RSBN1: variants seen among roughly 807,000 people sequenced by gnomAD.
RSBN1 encodes the protein round spermatid basic protein 1.
Under a neutral mutation model 74.8 loss-of-function variants are expected in RSBN1, and 23 were observed. The observed-to-expected ratio is 0.31, with a 90% CI of 0.22 to 0.44. RSBN1 has a LOEUF of 0.44. Among genes scored for constraint, RSBN1 ranks in the 20% least tolerant of loss-of-function variants. The pLI is 1.00. For missense variants in RSBN1, 808 were observed against 1,020.9 expected (o/e 0.79, Z 2.84); for synonymous variants, 407 against 379.6 (o/e 1.07, Z -0.84).
chr1:113,808,248 C>G (rs940021046), intron 1 of RSBN1, among the ~76,000 whole-genome samples: 2 of 152,092 alleles, frequency 1.3e-5, no homozygotes, highest in African/African-American at 2.4e-5. Flanking sequence ...TTGCTTATAA[C>G]CTATGCACAT....
At chr1:113,776,961 A>AGGG (rs1660045040) in intron 4 of RSBN1, among the ~76,000 whole-genome samples, 1 of 152,176 alleles carries the variant, frequency 6.6e-6, no homozygotes, top group African/African-American at 2.4e-5. Flanking sequence ...AACCACACTA[A>AGGG]GGGGTTTGAT....
intron 2 of RSBN1, 49 bp downstream of exon 2, chr1:113,797,314 T>A (rs901195590): frequency 7.0e-7 from 1 of 1,436,606 alleles, no homozygotes; most frequent in African/African-American, 1.7e-5. Context: ...AGAGGTTAAT[T>A]CTGTTTAGAA....
intron 1 of RSBN1, among the ~76,000 whole-genome samples, chr1:113,800,294 C>A (rs761334703): frequency 1.5e-4 from 23 of 151,976 alleles, no homozygotes; most frequent in Non-Finnish European, 2.5e-4. Flanking sequence ...ATACTGTTAA[C>A]CTGGCAAGAG....
chr1:113,766,081 G>C lies in RSBN1; in HGVS notation c.2308C>G (p.Gln770Glu), dbSNP rs748883651. ...FPPASELNLQ[Q>E]DQKTQPIPVL... ...GGAATAGGCTGAGTCTTCTGATCTT[G>C]CTGTAGATTAAGTTCTGATGCAGGT... Residue 770 changes from glutamine (Q) to glutamate (E), a missense_variant, in exon 7 of 7, where the codon CAA becomes GAA. Gln to Glu is a conservative substitution (Grantham distance 29). Transcript: ENST00000261441. 3 of 1,614,058 alleles carry C rather than the reference G, an allele frequency of 1.9e-6. No homozygotes were observed. The highest frequency in any genetic ancestry group is 2.2e-5 in the East Asian group (1 of 44,886).
chr1:113,779,884 G>A (rs774651026), intron 2 of RSBN1, among the ~76,000 whole-genome samples: 5 of 152,050 alleles, frequency 3.3e-5, no homozygotes, highest in African/African-American at 9.7e-5. Context: ...AGCCAGGCAC[G>A]GTGGTGCATG....
At chr1:113,774,776 G>A (rs1659986530) in intron 4 of RSBN1, among the ~76,000 whole-genome samples, 1 of 151,922 alleles carries the variant, frequency 6.6e-6, no homozygotes, top group South Asian at 2.1e-4. Flanking sequence ...AGGATCACTT[G>A]AGCCTGGGAG....
chr1:113,779,137 T>C (rs544596555), intron 2 of RSBN1, among the ~76,000 whole-genome samples: 189 of 152,288 alleles, frequency 1.2e-3, no homozygotes, highest in African/African-American at 4.1e-3. Context: ...AAGCCTAACA[T>C]ATAGCTGTAC....
intron 1 of RSBN1, among the ~76,000 whole-genome samples, chr1:113,804,530 G>C (rs1324628197): frequency 6.6e-6 from 1 of 152,000 alleles, no homozygotes; most frequent in Non-Finnish European, 1.5e-5. Context: ...ACATCTCCCT[G>C]CAACACTCCC....
At position 113,797,946 on chromosome 1, in the gene RSBN1, T is replaced by G; in HGVS notation, c.794A>C (p.Asp265Ala). Residue 265 changes from aspartate to alanine, a missense_variant, in exon 2 of 7, where the codon GAC becomes GCC. Around this residue, in one of 6 missense-constraint regions of RSBN1, gnomAD observed 464 missense variants for 401.0 expected, o/e 1.16. Transcript: ENST00000261441. ...CATTTTAAGGCGTCTTCCTCGCATG[T>G]CTTCTCGGTGTTTCTTTTTCTTTTT... ...KKKKKKKHRE[D>A]MRGRRLKMYN... 6.2e-7 allele frequency: 1 copy of G among 1,613,972 alleles called. No homozygotes were observed. The highest frequency in any genetic ancestry group is 1.1e-5 in the South Asian group (1 of 91,058).
chr1:113,791,181 A>C (rs1660356936), intron 2 of RSBN1, among the ~76,000 whole-genome samples: 1 of 152,162 alleles, frequency 6.6e-6, no homozygotes, highest in Admixed American at 6.5e-5. Flanking sequence ...TAAAATCAGA[A>C]GGCAAAGTGG....
chr1:113,767,565 G>C (rs764500979), intron 5 of RSBN1, among the ~76,000 whole-genome samples: 4 of 152,152 alleles, frequency 2.6e-5, no homozygotes, highest in Admixed American at 1.3e-4. Flanking sequence ...CAGTCTGGTA[G>C]TTTCTCAAAA....
chr1:113,767,890 G>A (rs1432815890), intron 5 of RSBN1: 1 of 186,308 alleles, frequency 5.4e-6, no homozygotes, highest in East Asian at 1.3e-4. Flanking sequence ...AACACTATAT[G>A]ATTCCATCTA....
chr1:113,793,645 A>C (rs1660413081), intron 2 of RSBN1, among the ~76,000 whole-genome samples: 1 of 148,774 alleles, frequency 6.7e-6, no homozygotes, highest in African/African-American at 2.5e-5. Context: ...CATCTCTCAA[A>C]CTTGGATCCA....
intron 1 of RSBN1, among the ~76,000 whole-genome samples, chr1:113,798,739 G>A (rs1660522575): frequency 6.6e-6 from 1 of 152,134 alleles, no homozygotes; most frequent in African/African-American, 2.4e-5. Flanking sequence ...ATCCATTACA[G>A]TATTATTTAA....
intron 2 of RSBN1, among the ~76,000 whole-genome samples, chr1:113,790,605 G>A (rs2101811596): frequency 6.6e-6 from 1 of 152,284 alleles, no homozygotes; most frequent in South Asian, 2.1e-4. Context: ...CCAATGGGAA[G>A]CATTATAAAA....
intron 2 of RSBN1, 41 bp downstream of exon 2, chr1:113,797,322 G>C (rs1660491018): frequency 7.7e-6 from 11 of 1,427,578 alleles, no homozygotes; most frequent in Non-Finnish European, 1.0e-5. Context: ...ATTCTGTTTA[G>C]AATCGTATTT....
chr1:113,798,422 C>T (rs1660515503), intron 1 of RSBN1, among the ~76,000 whole-genome samples: 1 of 151,996 alleles, frequency 6.6e-6, no homozygotes, highest in African/African-American at 2.4e-5. Flanking sequence ...CAGTTATCAT[C>T]ATAAAATTTA....
intron 2 of RSBN1, among the ~76,000 whole-genome samples, chr1:113,792,212 A>T (rs941364968): frequency 6.6e-6 from 1 of 152,230 alleles, no homozygotes; most frequent in African/African-American, 2.4e-5. Flanking sequence ...GCAAACACAT[A>T]ACACACACTC....
chr1:113,787,570 G>C (rs1660269471), intron 2 of RSBN1, among the ~76,000 whole-genome samples: 1 of 152,152 alleles, frequency 6.6e-6, no homozygotes, highest in Admixed American at 6.5e-5. Flanking sequence ...TGTGGTAAAA[G>C]TGAACTAAAT....
Sources: allele counts gnomAD v4.1 joint callset (sites outside exome capture counted in the v4.1 genomes callset), GRCh38; gene constraint gnomAD v4.1.1; regional missense constraint gnomAD v4.1.1; transcripts MANE v1.5; gene names NCBI Gene and HGNC (gene_info 2026-07-23, HGNC 2026-07-21).